Variants in FSHR observed in about 807,000 individuals in gnomAD.
The protein encoded by FSHR is follicle stimulating hormone receptor.
FSHR carries 46 observed loss-of-function variants against 52.1 expected under a neutral mutation model. The ratio of observed to expected loss-of-function variants is 0.88; its 90% CI spans 0.70 to 1.13. The LOEUF is 1.13. FSHR is among the 50% of genes most tolerant of loss of function. FSHR has a pLI of 0.00. For missense variants in FSHR, 964 were observed against 834.6 expected (o/e 1.16, Z -1.91); for synonymous variants, 399 against 309.6 (o/e 1.29, Z -3.03).
chr2:49,028,212 G>A (rs1434960276), intron 2 of FSHR, among the ~76,000 whole-genome samples: 1 of 152,216 alleles, frequency 6.6e-6, no homozygotes, highest in African/African-American at 2.4e-5. Context: ...ACTCAAGGCT[G>A]CAGGAATAAT....
chr2:48,963,396 C>T lies in FSHR; in HGVS notation c.1425G>A (p.Met475Ile), dbSNP rs935899649. 1.9e-6 allele frequency: 3 copies of T among 1,614,130 alleles called. No individual in the cohort carries two copies. In the African/African-American group the frequency reaches 4.0e-5, roughly 21 times the overall value. The change falls in exon 10 of 10, where the codon ATG (methionine) becomes ATA (isoleucine). Residue 475 changes from methionine (M) to isoleucine (I), a missense_variant. Met to Ile is a conservative substitution (Grantham distance 10). Coordinates refer to ENST00000406846, the MANE Select transcript of FSHR (RefSeq NM_000145.4). Reference protein sequence around the residue: ...LERWHTITHAMQLDCKVQLRH... With the variant: ...LERWHTITHAIQLDCKVQLRH... ...GGAGCTGCACCTTGCAGTCCAGCTGCATGGCATGCGTGATGGTATGCCATC... is the reference window on the plus strand; with the variant it reads ...GGAGCTGCACCTTGCAGTCCAGCTGTATGGCATGCGTGATGGTATGCCATC...
intron 9 of FSHR, among the ~76,000 whole-genome samples, chr2:48,966,431 C>T (rs1052926227): frequency 5.3e-5 from 8 of 152,052 alleles, no homozygotes; most frequent in African/African-American, 1.7e-4. Context: ...AGAATTATGA[C>T]AAGGAAATAT....
chr2:49,003,795 G>A (rs545578586), intron 4 of FSHR, among the ~76,000 whole-genome samples: 1 of 148,538 alleles, frequency 6.7e-6, no homozygotes, highest in South Asian at 2.2e-4. Flanking sequence ...ACCCCTTGGA[G>A]TAGTGCAGAA....
intron 2 of FSHR, among the ~76,000 whole-genome samples, chr2:49,051,504 A>G (rs1223059962): frequency 1.3e-5 from 2 of 151,938 alleles, no homozygotes; most frequent in African/African-American, 4.8e-5. Context: ...ATCTGTTCAG[A>G]TATTTTGCCC....
intron 1 of FSHR, among the ~76,000 whole-genome samples, chr2:49,111,452 T>C (rs1671419410): frequency 1.3e-5 from 2 of 152,190 alleles, no homozygotes; most frequent in African/African-American, 4.8e-5. Context: ...GGTCACTTCA[T>C]TTCTCCAGCG....
intron 2 of FSHR, among the ~76,000 whole-genome samples, chr2:49,047,759 C>A (rs1572677029): frequency 6.6e-6 from 1 of 152,300 alleles, no homozygotes; most frequent in East Asian, 1.9e-4. Context: ...GAATTATGAA[C>A]AAGATTTAAA....
chr2:49,081,784 C>G (rs1670179831), intron 1 of FSHR, among the ~76,000 whole-genome samples: 1 of 152,188 alleles, frequency 6.6e-6, no homozygotes, highest in Non-Finnish European at 1.5e-5. Context: ...AACTCTGTCT[C>G]TGTTAGAAAT....
intron 1 of FSHR, among the ~76,000 whole-genome samples, chr2:49,073,095 C>A (rs12622212): frequency 0.24 from 35,727 of 151,834 alleles, 4,283 homozygotes; most frequent in South Asian, 0.31. Flanking sequence ...GAATATTTTG[C>A]ATCACAATTA....
At chr2:49,135,620 C>A (rs1223955876) in intron 1 of FSHR, among the ~76,000 whole-genome samples, 1 of 151,978 alleles carries the variant, frequency 6.6e-6, no homozygotes, top group Non-Finnish European at 1.5e-5. Flanking sequence ...GTAGTTGACC[C>A]TTGAACAATG....
intron 2 of FSHR, among the ~76,000 whole-genome samples, chr2:49,037,207 T>C (rs1321767592): frequency 6.6e-6 from 1 of 152,218 alleles, no homozygotes; most frequent in Non-Finnish European, 1.5e-5. Context: ...ATTTATAACA[T>C]GAGGCCAATG....
chr2:49,022,672 C>T, intron 2 of FSHR, among the ~76,000 whole-genome samples: 1 of 152,148 alleles, frequency 6.6e-6, no homozygotes, highest in East Asian at 1.9e-4. Context: ...CACACACTTT[C>T]TTCTACCCTC....
intron 1 of FSHR, among the ~76,000 whole-genome samples, chr2:49,133,857 G>T (rs990251173): frequency 1.3e-5 from 2 of 152,152 alleles, no homozygotes; most frequent in African/African-American, 4.8e-5. Flanking sequence ...GGGAAAATTG[G>T]CTAGCCATAT....
chr2:49,026,594 T>C (rs956796858), intron 2 of FSHR, among the ~76,000 whole-genome samples: 1 of 152,152 alleles, frequency 6.6e-6, no homozygotes, highest in Admixed American at 6.5e-5. Flanking sequence ...ATAAAGCATA[T>C]AAGATGGTAA....
intron 2 of FSHR, among the ~76,000 whole-genome samples, chr2:49,021,000 C>T (rs1667676868): frequency 6.6e-6 from 1 of 152,054 alleles, no homozygotes; most frequent in East Asian, 1.9e-4. Context: ...GGGCTTAATA[C>T]CTAGGTGATG....
At position 49,086,129 on chromosome 2, in the gene FSHR, A is replaced by C. The variant is rs72822023; in HGVS notation, c.153-17839T>G. Among the ~76,000 whole-genome samples, 950 of 152,284 alleles carry C rather than the reference A, an allele frequency of 6.2e-3. 8 individuals are homozygous for C. The highest frequency in any genetic ancestry group is 9.9e-3 in the Non-Finnish European group (676 of 68,016). Reference sequence around the variant, plus strand: ...AAAGTATAATAATAAAAATATAGAAAGGTTTTCTTAGGATATGGGAGAGCA... The same window carrying C: ...AAAGTATAATAATAAAAATATAGAACGGTTTTCTTAGGATATGGGAGAGCA... On this transcript the variant is annotated intron_variant, in intron 1 of 9. Coordinates refer to ENST00000406846, the MANE Select transcript of FSHR (RefSeq NM_000145.4).
chr2:49,074,487 T>C (rs1012957745), intron 1 of FSHR, among the ~76,000 whole-genome samples: 3 of 152,112 alleles, frequency 2.0e-5, no homozygotes, highest in Non-Finnish European at 4.4e-5. Context: ...CCAGTTAGGA[T>C]GGCTATCCTC....
intron 2 of FSHR, among the ~76,000 whole-genome samples, chr2:49,059,021 C>T (rs1363995520): frequency 6.6e-6 from 1 of 151,986 alleles, no homozygotes. Context: ...GCAGCCTGGG[C>T]AACATAATCC....
intron 2 of FSHR, among the ~76,000 whole-genome samples, chr2:49,054,726 C>G (rs1259429784): frequency 6.6e-6 from 1 of 152,202 alleles, no homozygotes; most frequent in East Asian, 1.9e-4. Context: ...AGCACAACAA[C>G]TGCAGACTCT....
intron 1 of FSHR, among the ~76,000 whole-genome samples, chr2:49,091,700 A>G (rs1008665380): frequency 3.9e-5 from 6 of 152,242 alleles, no homozygotes; most frequent in Non-Finnish European, 7.3e-5. Flanking sequence ...TTAATTAGCT[A>G]TAATTTTGTG....
Sources: gnomAD v4.1 joint callset for allele counts (sites outside exome capture counted in the v4.1 genomes callset) on GRCh38, gnomAD v4.1.1 for gene constraint, MANE v1.5 for transcripts, NCBI Gene and HGNC (gene_info 2026-07-23, HGNC 2026-07-21) for gene names.